MRC1: variants seen among roughly 807,000 people sequenced by gnomAD.
MRC1 encodes the protein mannose receptor C-type 1, also known as macrophage mannose receptor 1.
In MRC1, 62 loss-of-function variants were observed where a neutral mutation model predicts 102.9. The observed-to-expected ratio is 0.60, with a 90% CI of 0.49 to 0.74. The LOEUF (loss-of-function observed/expected upper bound fraction) is 0.74, where lower values mean the gene tolerates loss of function less well. Ranked by LOEUF, MRC1 falls within the 30% of genes least tolerant of loss-of-function variation. The probability of loss-of-function intolerance (pLI) is 0.00; values close to 1 mark genes in which losing one functional copy is unlikely to be tolerated. For synonymous variants in MRC1, 457 were observed against 298.4 expected (o/e 1.53, Z -5.48); for missense variants, 1,237 against 862.8 (o/e 1.43, Z -5.43).
intron 4 of MRC1, among the ~76,000 whole-genome samples, chr10:17,837,945 CTAAT>C (rs1363730951): frequency 7.7e-4 from 117 of 152,002 alleles, no homozygotes; most frequent in African/African-American, 2.7e-3. Context: ...TTTGATGACT[CTAAT>C]TAAATTGTCT....
chr10:17,908,928 A>G (rs2130727629), intron 28 of MRC1, among the ~76,000 whole-genome samples: 1 of 152,302 alleles, frequency 6.6e-6, no homozygotes, highest in Non-Finnish European at 1.5e-5. Context: ...TCAGCAGGCT[A>G]ATTTCAAAAC....
intron 24 of MRC1, among the ~76,000 whole-genome samples, chr10:17,900,312 C>T (rs1339840797): frequency 6.6e-6 from 1 of 151,778 alleles, no homozygotes; most frequent in Non-Finnish European, 1.5e-5. Flanking sequence ...TTAGCTAAGC[C>T]GTTTACCATT....
intron 18 of MRC1, among the ~76,000 whole-genome samples, chr10:17,879,073 C>T (rs924217587): frequency 2.7e-4 from 41 of 152,284 alleles, no homozygotes; most frequent in African/African-American, 9.6e-4. Flanking sequence ...TCTGCCTCTC[C>T]ATGGGTGGTT....
chr10:17,898,314 G>A, intron 24 of MRC1, 48 bp downstream of exon 24: 1 of 780,670 alleles, frequency 1.3e-6, no homozygotes, highest in South Asian at 1.3e-5. Context: ...GTGAATTATG[G>A]TTGAATATGA....
At position 17,827,372 on chromosome 10, in the gene MRC1, C is replaced by CAAAAAAAAAAAAA. The variant is rs782616938; in HGVS notation, c.464-144_464-132dup. Among the ~76,000 whole-genome samples, 55 of 64,026 alleles carry CAAAAAAAAAAAAA rather than the reference C, an allele frequency of 8.6e-4. 19 individuals carry two copies. Among genetic ancestry groups the CAAAAAAAAAAAAA allele is most frequent in the South Asian group, 3.9e-3 (7 of 1,790 alleles). 42.0% of individuals were successfully genotyped at this position (64,026 alleles called of 152,430 possible). A position where few individuals can be genotyped will look rare whatever the true frequency, so the allele number is the denominator to read the frequency against. On this transcript the variant is annotated intron_variant, in intron 2 of 29. Transcript: ENST00000569591. Reference sequence around the variant, plus strand: ...TAGAAGGAGAAGGAAAAAAAATACCCAAAAAAAAAAAAAAAAAAAAAAAAA... The same window carrying CAAAAAAAAAAAAA: ...TAGAAGGAGAAGGAAAAAAAATACCCAAAAAAAAAAAAAAAAAAAAAAAAAAAAAAAAAAAAAA...
At chr10:17,884,984 G>A (rs1171286949) in intron 21 of MRC1, among the ~76,000 whole-genome samples, 1 of 152,182 alleles carries the variant, frequency 6.6e-6, no homozygotes, top group African/African-American at 2.4e-5. Flanking sequence ...ACCCAGATAG[G>A]GGCGCACAGA....
intron 5 of MRC1, among the ~76,000 whole-genome samples, chr10:17,844,728 C>T (rs965211538): frequency 3.3e-5 from 5 of 152,168 alleles, no homozygotes; most frequent in Non-Finnish European, 7.3e-5. Flanking sequence ...TTGTTACCCT[C>T]CATTCCTCCC....
chr10:17,896,951 A>C (rs960094620), intron 23 of MRC1, among the ~76,000 whole-genome samples: 7 of 152,184 alleles, frequency 4.6e-5, no homozygotes, highest in African/African-American at 1.7e-4. Flanking sequence ...GATTGCAAAT[A>C]TTTTAGGTTT....
At position 17,892,199 on chromosome 10, in the gene MRC1, A is replaced by G. The variant is rs935564752; in HGVS notation, c.3148-2011A>G. 4.0e-3 allele frequency among the ~76,000 whole-genome samples: 610 copies of G among 152,198 alleles called. 7 individuals carry two copies. Among genetic ancestry groups the G allele is most frequent in the African/African-American group, 0.014 (584 of 41,522 alleles). ...CCTCTCCTGTTGGAAGCAAGAGGAAATTTTTCTCCAGTCTGCACTGTAAGA... is the reference window on the plus strand; with the variant it reads ...CCTCTCCTGTTGGAAGCAAGAGGAAGTTTTTCTCCAGTCTGCACTGTAAGA... On this transcript the variant is annotated intron_variant, in intron 22 of 29. Coordinates refer to ENST00000569591, the MANE Select transcript of MRC1 (RefSeq NM_002438.4).
intron 6 of MRC1, among the ~76,000 whole-genome samples, chr10:17,845,684 A>G (rs1302600626): frequency 6.6e-6 from 1 of 152,110 alleles, no homozygotes; most frequent in East Asian, 1.9e-4. Context: ...CAGTCCTCTG[A>G]GGTAGGTGTC....
intron 6 of MRC1, among the ~76,000 whole-genome samples, chr10:17,846,255 C>T (rs1326764161): frequency 3.9e-5 from 6 of 151,934 alleles, no homozygotes; most frequent in African/African-American, 1.4e-4. Context: ...AAAAAAAAAT[C>T]AATTGTGTTG....
In MRC1 at chr10:17,880,642, A is replaced by G; in HGVS notation, c.2837A>G (p.Lys946Arg). The change falls in exon 20 of 30, where the codon AAG becomes AGG. Residue 946 changes from lysine (K) to arginine (R), a missense_variant. Transcript: ENST00000569591. ...PTMPSVPSGC[K>R]EGWNFYSNKC... ...ATGCCCTCGGTCCCATCAGGGTGCAAGGAAGGTTGGAATTTCTACAGCAAC... is the reference window on the plus strand; with the variant it reads ...ATGCCCTCGGTCCCATCAGGGTGCAGGGAAGGTTGGAATTTCTACAGCAAC... 1.3e-6 allele frequency: 1 copy of G among 780,778 alleles called. No homozygotes were observed. The highest frequency in any genetic ancestry group is 2.4e-6 in the Non-Finnish European group (1 of 417,940). The allele number at this position is 780,778 out of a possible 1,614,324, so 48.4% of individuals were successfully genotyped here.
At chr10:17,905,468 G>T (rs975959064) in intron 26 of MRC1, among the ~76,000 whole-genome samples, 27 of 152,096 alleles carry the variant, frequency 1.8e-4, no homozygotes, top group Admixed American at 3.3e-4. Flanking sequence ...CTGATGCCTT[G>T]TTTGAACTTT....
chr10:17,870,924 G>A lies in MRC1; in HGVS notation c.2188G>A (p.Asp730Asn). The change falls in exon 14 of 30, where the codon GAT (aspartate) becomes AAT (asparagine). Residue 730 changes from aspartate to asparagine, a missense_variant. By Grantham distance (23) the Asp-to-Asn change is conservative. Transcript: ENST00000569591. ...GSPSEGFTWSDGSPVSYENWA... is the reference protein window; with the variant it reads ...GSPSEGFTWSNGSPVSYENWA... ...CCCTTCAGAAGGTTTTACTTGGAGT[G>A]ATGGTTCTCCTGTGAGTAATTTTAC... 3 of 872,310 alleles carry A rather than the reference G, an allele frequency of 3.4e-6. No individual in the cohort carries two copies. The highest frequency in any genetic ancestry group is 4.8e-5 in the East Asian group (2 of 41,670). 54.0% of individuals were successfully genotyped at this position (872,310 alleles called of 1,614,324 possible). A position where few individuals can be genotyped will look rare whatever the true frequency, so the allele number is the denominator to read the frequency against.
At chr10:17,860,081 C>A (rs1431760433) in intron 9 of MRC1, among the ~76,000 whole-genome samples, 2 of 152,242 alleles carry the variant, frequency 1.3e-5, no homozygotes, top group East Asian at 3.9e-4. Context: ...TCTGTATGGA[C>A]ATTAATACCA....
chr10:17,814,540 C>T (rs1225467044), intron 1 of MRC1, among the ~76,000 whole-genome samples: 7 of 152,068 alleles, frequency 4.6e-5, no homozygotes, highest in African/African-American at 4.8e-5. Context: ...GCTAATAGCA[C>T]TAAGGCATCA....
chr10:17,884,866 A>C (rs1564623605), intron 21 of MRC1, among the ~76,000 whole-genome samples: 1 of 152,206 alleles, frequency 6.6e-6, no homozygotes, highest in East Asian at 1.9e-4. Flanking sequence ...CCTTTGTCCC[A>C]TAGTTATTAT....
chr10:17,863,279 C>T (rs910906382), intron 10 of MRC1, among the ~76,000 whole-genome samples: 5 of 152,106 alleles, frequency 3.3e-5, no homozygotes, highest in Admixed American at 2.0e-4. Context: ...CTGGTGAGGG[C>T]TAGAGGGAGA....
Position 17,901,624 on chromosome 10 carries a change from G to A in MRC1, c.3650-349G>A, listed in dbSNP as rs1196802999. On this transcript the variant is annotated intron_variant, in intron 25 of 29. Transcript: ENST00000569591. ...GAATCACTTGAATCCGGGAGGCAGA[G>A]GTTGCGGTGAGACAAGATCGCGCCA... is the stretch of plus-strand genomic sequence containing the variant. Among the ~76,000 whole-genome samples, 21 of 152,062 alleles carry A rather than the reference G, an allele frequency of 1.4e-4. 1 individual carries two copies. Among genetic ancestry groups the A allele is most frequent in the Admixed American group, 1.4e-3 (21 of 15,256 alleles).
Sources: gnomAD v4.1 joint callset for allele counts (sites outside exome capture counted in the v4.1 genomes callset) on GRCh38, gnomAD v4.1.1 for gene constraint, MANE v1.5 for transcripts, NCBI Gene and HGNC (gene_info 2026-07-23, HGNC 2026-07-21) for gene names.